ITPR2: variants seen among roughly 807,000 people sequenced by gnomAD.
The protein encoded by ITPR2 is inositol 1,4,5-trisphosphate receptor type 2, also known as inositol 1,4,5-trisphosphate-gated calcium channel ITPR2.
Under a neutral mutation model 317.1 loss-of-function variants are expected in ITPR2, and 207 were observed. That is an observed-to-expected ratio of 0.65 (90% CI 0.58 to 0.73). The LOEUF (loss-of-function observed/expected upper bound fraction) is 0.73, where lower values mean the gene tolerates loss of function less well. ITPR2 is among the 30% of genes least tolerant of loss of function. The probability of loss-of-function intolerance (pLI) is 0.00; values close to 1 mark genes in which losing one functional copy is unlikely to be tolerated. For synonymous variants in ITPR2, 1,156 were observed against 1,149.1 expected (o/e 1.01, Z -0.12); for missense variants, 2,613 against 3,284.0 (o/e 0.80, Z 4.99).
At chr12:26,355,755 GTC>G (rs1938619638) in intron 55 of ITPR2, among the ~76,000 whole-genome samples, 1 of 151,760 alleles carries the variant, frequency 6.6e-6, no homozygotes, top group Non-Finnish European at 1.5e-5. Context: ...TTCATCCCTG[GTC>G]TCTCTACTGG....
chr12:26,431,755 T>C (rs764510653), intron 48 of ITPR2, among the ~76,000 whole-genome samples: 1 of 152,136 alleles, frequency 6.6e-6, no homozygotes, highest in Non-Finnish European at 1.5e-5. Context: ...ATAACCCAAG[T>C]GTGAACCAAA....
chr12:26,357,636 C>T (rs1417381468), intron 55 of ITPR2, among the ~76,000 whole-genome samples: 2 of 152,338 alleles, frequency 1.3e-5, no homozygotes, highest in Middle Eastern at 3.4e-3. Flanking sequence ...CTGGGGACTC[C>T]CAAAGTGTGG....
intron 2 of ITPR2, among the ~76,000 whole-genome samples, chr12:26,755,160 T>A (rs571548586): frequency 1.3e-5 from 2 of 152,232 alleles, no homozygotes; most frequent in Non-Finnish European, 2.9e-5. Context: ...AATCATTGTA[T>A]GCCACAAAGC....
intron 55 of ITPR2, among the ~76,000 whole-genome samples, chr12:26,352,888 G>A (rs1938526721): frequency 6.6e-6 from 1 of 152,234 alleles, no homozygotes; most frequent in Non-Finnish European, 1.5e-5. Context: ...TGCATCCAGT[G>A]ACACTGTGTT....
chr12:26,470,006 T>C (rs1942260665), intron 45 of ITPR2, among the ~76,000 whole-genome samples: 1 of 152,114 alleles, frequency 6.6e-6, no homozygotes, highest in Non-Finnish European at 1.5e-5. Flanking sequence ...CGGAAGTGAG[T>C]AATGGCTCCC....
intron 44 of ITPR2, 65 bp downstream of exon 44, chr12:26,476,847 G>A (rs1456448963): frequency 3.1e-6 from 3 of 963,706 alleles, no homozygotes; most frequent in African/African-American, 3.3e-5. Context: ...TTTCTGACAT[G>A]CATTCTCTAA....
At chr12:26,566,212 G>A (rs1351667587) in intron 34 of ITPR2, among the ~76,000 whole-genome samples, 1 of 129,320 alleles carries the variant, frequency 7.7e-6, no homozygotes, top group African/African-American at 3.0e-5. Context: ...GAGAGGAGGA[G>A]AGGAGAGGAG....
At chr12:26,682,919 T>C (rs1052744620) in intron 11 of ITPR2, among the ~76,000 whole-genome samples, 1 of 152,190 alleles carries the variant, frequency 6.6e-6, no homozygotes, top group Non-Finnish European at 1.5e-5. Flanking sequence ...GCCTGGGAGC[T>C]TGTTAGAAAT....
intron 50 of ITPR2, among the ~76,000 whole-genome samples, chr12:26,417,576 A>C (rs1234425351): frequency 1.3e-5 from 2 of 152,138 alleles, no homozygotes; most frequent in Non-Finnish European, 2.9e-5. Flanking sequence ...CTCTTCTGCC[A>C]CCATGTAAGA....
At chr12:26,729,870 T>C (rs1472768518) in intron 2 of ITPR2, among the ~76,000 whole-genome samples, 29 of 151,980 alleles carry the variant, frequency 1.9e-4, no homozygotes, top group Admixed American at 1.8e-3. Context: ...AGGCTTAAAC[T>C]TGGGTGATGA....
intron 1 of ITPR2, among the ~76,000 whole-genome samples, chr12:26,823,824 A>C (rs1365660993): frequency 1.3e-5 from 2 of 152,116 alleles, no homozygotes; most frequent in African/African-American, 4.8e-5. Context: ...ACAGTTGATT[A>C]AATTTCAATT....
chr12:26,664,684 A>C (rs991648583), intron 14 of ITPR2, among the ~76,000 whole-genome samples: 2 of 151,304 alleles, frequency 1.3e-5, no homozygotes, highest in Non-Finnish European at 1.5e-5. Flanking sequence ...GTATTCACTA[A>C]GCCTTTAATT....
At chr12:26,562,231 T>C (rs1439048752) in intron 34 of ITPR2, among the ~76,000 whole-genome samples, 3 of 152,204 alleles carry the variant, frequency 2.0e-5, no homozygotes, top group Non-Finnish European at 2.9e-5. Flanking sequence ...AAACACACTG[T>C]ATAACAACCA....
At position 26,595,583 on chromosome 12, in the gene ITPR2, A is replaced by G. The variant is rs1945823406; in HGVS notation, c.4262T>C (p.Ile1421Thr). 1 of 1,565,360 alleles carries G rather than the reference A, an allele frequency of 6.4e-7. No individual in the cohort carries two copies. The highest frequency in any genetic ancestry group is 8.6e-7 in the Non-Finnish European group (1 of 1,164,260). Residue 1421 changes from isoleucine to threonine, a missense_variant, in exon 32 of 57, where the codon ATT becomes ACT. Coordinates refer to ENST00000381340, the MANE Select transcript of ITPR2 (RefSeq NM_002223.4). ...GTGATTAACAAAGTTCACATAAGCA[A>G]TTTTAACCTGTGCAAGTTTCAAATA... ...THDDCIPEVK[I>T]AYVNFVNHCY...
intron 45 of ITPR2, among the ~76,000 whole-genome samples, chr12:26,474,584 G>C (rs1265933396): frequency 5.3e-5 from 8 of 151,888 alleles, no homozygotes; most frequent in Admixed American, 5.2e-4. Context: ...ACGAGGTCAG[G>C]AGATCGAGAC....
chr12:26,357,509 T>C (rs967825933), intron 55 of ITPR2, among the ~76,000 whole-genome samples: 7 of 152,248 alleles, frequency 4.6e-5, no homozygotes, highest in Non-Finnish European at 1.0e-4. Context: ...TATATAATAA[T>C]AAAACTGTCA....
chr12:26,775,841 C>T (rs973488893), intron 2 of ITPR2, among the ~76,000 whole-genome samples: 3 of 150,862 alleles, frequency 2.0e-5, no homozygotes, highest in Non-Finnish European at 4.4e-5. Flanking sequence ...CTATGGGACT[C>T]GGACTGGCTT....
At chr12:26,393,572 T>C (rs1939910218) in intron 54 of ITPR2, among the ~76,000 whole-genome samples, 2 of 152,242 alleles carry the variant, frequency 1.3e-5, no homozygotes, top group Admixed American at 6.5e-5. Context: ...TAAAAAAGTT[T>C]CTATTTTATT....
At chr12:26,650,779 A>G (rs1428202315) in intron 21 of ITPR2, among the ~76,000 whole-genome samples, 5 of 152,120 alleles carry the variant, frequency 3.3e-5, no homozygotes, top group Non-Finnish European at 7.4e-5. Flanking sequence ...AGTGTTATGT[A>G]CCCTCTGGGA....
Sources: allele counts gnomAD v4.1 joint callset (sites outside exome capture counted in the v4.1 genomes callset), GRCh38; gene constraint gnomAD v4.1.1; transcripts MANE v1.5; gene names NCBI Gene and HGNC (gene_info 2026-07-23, HGNC 2026-07-21).